ABCC9: variants seen among roughly 807,000 people sequenced by gnomAD.
The protein encoded by ABCC9 is ATP-binding cassette sub-family C member 9.
ABCC9 carries 95 observed loss-of-function variants against 188.3 expected under a neutral mutation model. The observed-to-expected ratio is 0.50, with a 90% CI of 0.43 to 0.60. The LOEUF is 0.60. Ranked by LOEUF, ABCC9 falls within the 20% of genes least tolerant of loss-of-function variation. The pLI, the probability that ABCC9 is intolerant of heterozygous loss-of-function variation, is 0.00. For missense variants in ABCC9, 1,102 were observed against 1,876.3 expected (o/e 0.59, Z 7.62); for synonymous variants, 659 against 652.7 (o/e 1.01, Z -0.15).
chr12:21,909,974 T>C (rs1948241190), intron 10 of ABCC9, among the ~76,000 whole-genome samples, 183 bp downstream of exon 10: 1 of 151,970 alleles, frequency 6.6e-6, no homozygotes, highest in South Asian at 2.1e-4. Context: ...AGCAGTATAA[T>C]TTCAAACTTC....
chr12:21,805,908 A>G lies in ABCC9; in HGVS notation c.4512+90T>C. The G allele has an allele frequency of 5.9e-6, 7 of 1,196,400 alleles. No homozygotes were observed. The South Asian group carries it at 8.7e-5, about 15-fold the overall frequency. 74.1% of individuals were successfully genotyped at this position (1,196,400 alleles called of 1,614,324 possible). A position where few individuals can be genotyped will look rare whatever the true frequency, so the allele number is the denominator to read the frequency against. ...ACATTAGCAGAGAAATACATAATTCAACACAAGTATATTTTGCTAAAACCT... is the reference window on the plus strand; with the variant it reads ...ACATTAGCAGAGAAATACATAATTCGACACAAGTATATTTTGCTAAAACCT... On this transcript the variant is annotated intron_variant, in intron 39 of 39. Coordinates refer to ENST00000261200, the MANE Select transcript of ABCC9 (RefSeq NM_020297.4).
chr12:21,895,248 T>G (rs1218561454), intron 13 of ABCC9, 27 bp downstream of exon 13: 1 of 1,601,110 alleles, frequency 6.2e-7, no homozygotes, highest in Non-Finnish European at 8.6e-7. Flanking sequence ...TTGGTTTCAT[T>G]TCTAAAAGAG....
At chr12:21,940,287 G>A (rs1009493647) in intron 2 of ABCC9, among the ~76,000 whole-genome samples, 14 of 152,130 alleles carry the variant, frequency 9.2e-5, no homozygotes, top group Non-Finnish European at 1.9e-4. Context: ...TTCTTTAATC[G>A]TTTAGAGATT....
intron 15 of ABCC9, among the ~76,000 whole-genome samples, chr12:21,886,432 C>T (rs1256871777): frequency 6.6e-6 from 1 of 152,046 alleles, no homozygotes; most frequent in Non-Finnish European, 1.5e-5. Flanking sequence ...AAAGTGTACA[C>T]TGAATTTGAT....
At chr12:21,854,681 T>C (rs1945135180) in intron 22 of ABCC9, among the ~76,000 whole-genome samples, 1 of 152,202 alleles carries the variant, frequency 6.6e-6, no homozygotes, top group Non-Finnish European at 1.5e-5. Flanking sequence ...TCACAGACAC[T>C]AGCTCCTTGT....
intron 29 of ABCC9, among the ~76,000 whole-genome samples, chr12:21,839,621 A>G (rs142031534): frequency 6.6e-4 from 100 of 152,334 alleles, no homozygotes; most frequent in African/African-American, 2.3e-3. Context: ...CACATGTTTC[A>G]ATGCATTCCA....
intron 30 of ABCC9, among the ~76,000 whole-genome samples, chr12:21,830,584 G>A (rs973817893): frequency 6.6e-6 from 1 of 152,110 alleles, no homozygotes; most frequent in Non-Finnish European, 1.5e-5. Flanking sequence ...TCCTGGGAGG[G>A]GTGTTCATTT....
rs142416766 is a variant in ABCC9 at position 21,897,111 on chromosome 12, A to G, written c.1619-1796T>C. 1.1e-4 allele frequency among the ~76,000 whole-genome samples: 17 copies of G among 152,276 alleles called. No individual in the cohort carries two copies. In the East Asian group the frequency reaches 3.3e-3, roughly 29 times the overall value. The stretch of plus-strand genomic sequence containing the variant: ...GTTTCTTGACTTTTTAATAATTGCT[A>G]TTCTGACTGGCGTGAGATGGTGTCT... On this transcript the variant is annotated intron_variant, in intron 12 of 39. Transcript: ENST00000261200.
rs1359649036 is a variant in ABCC9, at chr12:21,936,670, C to T, written c.5G>A (p.Ser2Asn). ...AATGTTGTTACCACAAAATGAAAGGCTCATTTCTTCTTATATGGTTTACTC... is the reference window on the plus strand; with the variant it reads ...AATGTTGTTACCACAAAATGAAAGGTTCATTTCTTCTTATATGGTTTACTC... M[S>N]LSFCGNNISS... Residue 2 changes from serine (S) to asparagine (N), a missense_variant, in exon 3 of 40, where the codon AGC becomes AAC. This residue lies in a region of ABCC9 where 305 missense variants were observed against 573.0 expected (regional missense o/e 0.53). Transcript: ENST00000261200. The T allele has an allele frequency of 8.1e-6, 13 of 1,607,320 alleles. No homozygotes were observed. The highest frequency in any genetic ancestry group is 1.1e-5 in the Non-Finnish European group (13 of 1,174,312).
chr12:21,807,201 T>C, intron 38 of ABCC9, 145 bp downstream of exon 38: 1 of 1,050,806 alleles, frequency 9.5e-7, no homozygotes, highest in Non-Finnish European at 1.4e-6. Context: ...CAATGTGCTA[T>C]CATCAGTTCA....
chr12:21,802,304 A>G (rs531448369), intron 39 of ABCC9, among the ~76,000 whole-genome samples: 9 of 152,296 alleles, frequency 5.9e-5, no homozygotes, highest in African/African-American at 2.2e-4. Context: ...GTCAACTACT[A>G]TTATTTTTTA....
rs147151359 is a variant in ABCC9, at chr12:21,911,982, C to A, written c.1011+890G>T. Reference sequence around the variant, plus strand: ...CCGTAATTGTTTCATAAGCTTACAACCTAGGAAGATAAACATATCTCTAAG... The same window carrying A: ...CCGTAATTGTTTCATAAGCTTACAAACTAGGAAGATAAACATATCTCTAAG... On this transcript the variant is annotated intron_variant, in intron 8 of 39. Transcript: ENST00000261200. 3.3e-3 allele frequency among the ~76,000 whole-genome samples: 499 copies of A among 151,996 alleles called. 1 individual carries two copies. Among genetic ancestry groups the A allele is most frequent in the Middle Eastern group, 6.8e-3 (2 of 294 alleles).
rs1342455825 is a variant in ABCC9 at position 21,846,675 on chromosome 12, A to T, written c.2867-843T>A. 2.6e-5 allele frequency among the ~76,000 whole-genome samples: 4 copies of T among 152,282 alleles called. No homozygotes were observed. In the East Asian group the frequency reaches 7.7e-4, roughly 29 times the overall value. ...TTTGAGCTGGATGCAGTAAATGACT[A>T]CGTCTCAGAGGTTCTCCCCTTTGGC... On this transcript the variant is annotated intron_variant, in intron 25 of 39. Coordinates refer to ENST00000261200, the MANE Select transcript of ABCC9 (RefSeq NM_020297.4).
intron 31 of ABCC9, among the ~76,000 whole-genome samples, chr12:21,819,229 A>G (rs1028765706): frequency 2.6e-5 from 4 of 152,210 alleles, no homozygotes; most frequent in African/African-American, 4.8e-5. Flanking sequence ...CAAAGCAGGT[A>G]GAATTTCAGA....
chr12:21,805,459 G>C (rs1392087168), intron 39 of ABCC9: 7 of 713,886 alleles, frequency 9.8e-6, no homozygotes, highest in Non-Finnish European at 1.7e-5. Context: ...GTGGACTACT[G>C]TAAGTGAGCT....
intron 16 of ABCC9, among the ~76,000 whole-genome samples, chr12:21,878,526 T>C (rs1257297002): frequency 6.6e-6 from 1 of 152,174 alleles, no homozygotes; most frequent in Non-Finnish European, 1.5e-5. Flanking sequence ...GGATACTGGA[T>C]AGACTGTGCC....
rs1944440567 is a variant in ABCC9 at position 21,842,454 on chromosome 12, CAA to C, written c.3331_3332del (p.Leu1111GlyfsTer47). The C allele has an allele frequency of 2.5e-6, 4 of 1,613,918 alleles. No individual in the cohort carries two copies. Among genetic ancestry groups the C allele is most frequent in the Admixed American group, 1.7e-5 (1 of 59,994 alleles). ...GCAGTGTTGAGCGAGTTAGAGATTC[CAA>C]GGTTGGAGGGATGTGCTATTAGGGT... ...NIIDQHIPPT[L>X]ESLTRSTLLC... On this transcript the variant is annotated frameshift_variant, in exon 29 of 40. Transcript: ENST00000261200. LOFTEE classifies it high-confidence loss of function.
intron 8 of ABCC9, 132 bp downstream of exon 8, chr12:21,912,737 CTTT>C: frequency 8.2e-6 from 7 of 855,928 alleles, no homozygotes; most frequent in South Asian, 1.7e-5. Context: ...TTACTGTTTT[CTTT>C]CTTTTAGAAA....
chr12:21,815,632 A>G (rs572070387), intron 34 of ABCC9, 131 bp downstream of exon 34: 84 of 1,093,044 alleles, frequency 7.7e-5, no homozygotes, highest in Middle Eastern at 6.0e-4. Flanking sequence ...TCTTTTATGC[A>G]GATAATTTGA....
Sources: gnomAD v4.1 joint callset for allele counts (sites outside exome capture counted in the v4.1 genomes callset) on GRCh38, gnomAD v4.1.1 for gene constraint, gnomAD v4.1.1 regional missense constraint, MANE v1.5 for transcripts, NCBI Gene and HGNC (gene_info 2026-07-23, HGNC 2026-07-21) for gene names.